SH3GL1: variants seen among roughly 807,000 people sequenced by gnomAD.
The protein encoded by SH3GL1 is endophilin-A2.
In SH3GL1, 21 loss-of-function variants were observed where a neutral mutation model predicts 48.8. The observed-to-expected ratio is 0.43, with a 90% CI of 0.30 to 0.62. SH3GL1 has a LOEUF of 0.62. Ranked by LOEUF, SH3GL1 falls within the 20% of genes least tolerant of loss-of-function variation. The pLI, the probability that SH3GL1 is intolerant of heterozygous loss-of-function variation, is 0.11. For synonymous variants in SH3GL1, 282 were observed against 217.5 expected (o/e 1.30, Z -2.61); for missense variants, 454 against 503.0 (o/e 0.90, Z 0.93).
intron 1 of SH3GL1, among the ~76,000 whole-genome samples, chr19:4,390,898 T>C (rs1973325999): frequency 6.6e-6 from 1 of 152,158 alleles, no homozygotes. Flanking sequence ...TCCGAAATCC[T>C]ACTGGGGACG....
intron 1 of SH3GL1, among the ~76,000 whole-genome samples, chr19:4,390,816 G>C (rs2144919794): frequency 6.6e-6 from 1 of 151,572 alleles, no homozygotes; most frequent in South Asian, 2.1e-4. Context: ...GCTTGGAAAA[G>C]AGAAACATGG....
intron 1 of SH3GL1, among the ~76,000 whole-genome samples, chr19:4,382,553 G>A (rs980326657): frequency 6.6e-5 from 10 of 152,114 alleles, no homozygotes; most frequent in Admixed American, 3.3e-4. Context: ...CACCGCGCCC[G>A]GCCCAGGTGC....
Position 4,366,510 on chromosome 19 carries a change from G to A in SH3GL1, c.178C>T (p.Pro60Ser). ...VLARTIEYLQ[P>S]NPASRAKLTM... ...TGGCTGGAGCACCCACCTGGGTTGG[G>A]CTGCAGGTACTCGATGGTCCTGGCC... is the stretch of plus-strand genomic sequence containing the variant. The change falls in exon 3 of 10, where the codon CCC becomes TCC. Residue 60 changes from proline to serine, a missense_variant. This residue lies in a region of SH3GL1 where 176 missense variants were observed against 256.2 expected (regional missense o/e 0.69). Transcript: ENST00000269886. 6.2e-7 allele frequency: 1 copy of A among 1,610,016 alleles called. No individual in the cohort carries two copies. The highest frequency in any genetic ancestry group is 8.5e-7 in the Non-Finnish European group (1 of 1,178,976).
In SH3GL1 at chr19:4,361,438, A is replaced by C; in HGVS notation, c.*162T>G. 1.7e-6 allele frequency: 1 copy of C among 602,238 alleles called. No individual in the cohort carries two copies. The highest frequency in any genetic ancestry group is 2.9e-6 in the Non-Finnish European group (1 of 341,264). 37.3% of individuals were successfully genotyped at this position (602,238 alleles called of 1,614,324 possible). On this transcript the variant is annotated 3_prime_UTR_variant, in exon 10 of 10. Coordinates refer to ENST00000269886, the MANE Select transcript of SH3GL1 (RefSeq NM_003025.4). ...CCCACCCAGATAAGCCCCCCCACCC[A>C]AGTGTGGGGTCCTGCTCAGGGAGTA...
rs979039656 is a variant in SH3GL1, at chr19:4,367,348, G to T, written c.46-354C>A. 3.3e-5 allele frequency among the ~76,000 whole-genome samples: 5 copies of T among 152,132 alleles called. No individual in the cohort carries two copies. Among genetic ancestry groups the T allele is most frequent in the Admixed American group, 3.3e-4 (5 of 15,276 alleles). On this transcript the variant is annotated intron_variant, in intron 1 of 9. Transcript: ENST00000269886. The surrounding 1 kb of genome is among the most constrained non-coding windows in gnomAD (Gnocchi z 4.2). ...CATGGCTCAGAAGACACTGCTTCCA[G>T]AAGCGCCTACACAAACATCCCCACA...
chr19:4,362,773 T>A, intron 7 of SH3GL1, 37 bp from the exon 8 acceptor site: 1 of 1,612,708 alleles, frequency 6.2e-7, no homozygotes, highest in South Asian at 1.1e-5. Flanking sequence ...CGAGCCCGTG[T>A]CACGGCCGAG....
intron 1 of SH3GL1, among the ~76,000 whole-genome samples, chr19:4,387,342 A>G (rs1009741488): frequency 2.0e-5 from 3 of 152,144 alleles, no homozygotes; most frequent in Non-Finnish European, 4.4e-5. Context: ...TCTGTTGCCC[A>G]GGCTGGAGGG....
chr19:4,377,694 G>A (rs1039869895), intron 1 of SH3GL1, among the ~76,000 whole-genome samples: 2 of 152,208 alleles, frequency 1.3e-5, no homozygotes, highest in South Asian at 2.1e-4. Context: ...GCCAGGTCAC[G>A]TGCACTGGCT....
rs899853817 is a variant in SH3GL1 at position 4,400,353 on chromosome 19, G to A, written c.16C>T (p.Leu6=). 6.3e-7 allele frequency: 1 copy of A among 1,592,182 alleles called. No homozygotes were observed. The highest frequency in any genetic ancestry group is 8.5e-7 in the Non-Finnish European group (1 of 1,173,276). MSVAG[L]KKQFYKASQL... ...CTCGCCTTGTAGAACTGCTTCTTCA[G>A]CCCCGCCACCGACATGCTGCCGCCC... Residue 6 remains leucine, a synonymous_variant, in exon 1 of 10, where the codon CTG becomes TTG. Transcript: ENST00000269886. This position sits in a 1 kb window ranked among gnomAD's most constrained non-coding sequence, Gnocchi z 4.1.
chr19:4,362,370 C>T lies in SH3GL1; in HGVS notation c.869G>A (p.Arg290Gln), dbSNP rs997768573. 2.9e-5 allele frequency: 47 copies of T among 1,611,838 alleles called. No homozygotes were observed. The highest frequency in any genetic ancestry group is 1.3e-4 in the African/African-American group (10 of 74,912). ...APKIAASSSF[R>Q]SSDKPIRTPS... is the part of the protein sequence containing the mutation. ...GGTCCGGATGGGCTTGTCGGAAGAT[C>T]GGAAAGACGATGAAGCTAAACACAA... The change falls in exon 9 of 10, where the codon CGA becomes CAA. Residue 290 changes from arginine (R) to glutamine (Q), a missense_variant. This residue lies in a region of SH3GL1 where 278 missense variants were observed against 246.8 expected (regional missense o/e 1.13). Transcript: ENST00000269886.
At chr19:4,397,774 G>T (rs1269570271) in intron 1 of SH3GL1, among the ~76,000 whole-genome samples, 3 of 152,158 alleles carry the variant, frequency 2.0e-5, no homozygotes, top group Non-Finnish European at 4.4e-5. Context: ...TTTCTCCAGG[G>T]TTTAACCATC....
At position 4,362,367 on chromosome 19, in the gene SH3GL1, G is replaced by C; in HGVS notation, c.872C>G (p.Ser291Cys). The C allele has an allele frequency of 6.2e-7, 1 of 1,612,208 alleles. No homozygotes were observed. Among genetic ancestry groups the C allele is most frequent in the Non-Finnish European group, 8.5e-7 (1 of 1,179,102 alleles). The change falls in exon 9 of 10, where the codon TCT (serine) becomes TGT (cysteine). Residue 291 changes from serine to cysteine, a missense_variant. Physicochemically the swap from Ser to Cys is moderately radical, Grantham distance 112. Coordinates refer to ENST00000269886, the MANE Select transcript of SH3GL1 (RefSeq NM_003025.4). ...AGGGGTCCGGATGGGCTTGTCGGAA[G>C]ATCGGAAAGACGATGAAGCTAAACA... is the stretch of plus-strand genomic sequence containing the variant. The part of the protein sequence containing the change: ...PKIAASSSFR[S>C]SDKPIRTPSR...
At chr19:4,368,469 A>C (rs1181593070) in intron 1 of SH3GL1, among the ~76,000 whole-genome samples, 1 of 152,146 alleles carries the variant, frequency 6.6e-6, no homozygotes, top group East Asian at 1.9e-4. Flanking sequence ...CCCCAACCCC[A>C]AGTTCTGCAA....
In SH3GL1 at chr19:4,367,352, C is replaced by T. The variant is rs1972805245; in HGVS notation, c.46-358G>A. Among the ~76,000 whole-genome samples the T allele has an allele frequency of 6.6e-6, 1 of 152,122 alleles. No individual in the cohort carries two copies. Among genetic ancestry groups the T allele is most frequent in the African/African-American group, 2.4e-5 (1 of 41,428 alleles). ...GCTCAGAAGACACTGCTTCCAGAAG[C>T]GCCTACACAAACATCCCCACAGATA... is the stretch of plus-strand genomic sequence containing the variant. On this transcript the variant is annotated intron_variant, in intron 1 of 9. Coordinates refer to ENST00000269886, the MANE Select transcript of SH3GL1 (RefSeq NM_003025.4). The surrounding 1 kb of genome is among the most constrained non-coding windows in gnomAD (Gnocchi z 4.2).
At chr19:4,370,554 G>T (rs1972878543) in intron 1 of SH3GL1, among the ~76,000 whole-genome samples, 3 of 152,202 alleles carry the variant, frequency 2.0e-5, no homozygotes, top group African/African-American at 7.2e-5. Context: ...CCTGGACGGG[G>T]TCAGAGTACC....
At chr19:4,363,659 C>T in intron 6 of SH3GL1, 61 bp downstream of exon 6, 2 of 1,599,596 alleles carry the variant, frequency 1.3e-6, no homozygotes, top group Admixed American at 1.7e-5. Flanking sequence ...TCCCTTGAGG[C>T]ACCACCCCGG....
intron 4 of SH3GL1, among the ~76,000 whole-genome samples, chr19:4,365,149 T>C (rs1433420002): frequency 6.6e-6 from 1 of 152,040 alleles, no homozygotes; most frequent in East Asian, 1.9e-4. Flanking sequence ...TCCGAATCGA[T>C]GCTGGACGTT....
Position 4,376,235 on chromosome 19 carries a change from TTG to T in SH3GL1, c.46-9243_46-9242del, listed in dbSNP as rs1973006403. Among the ~76,000 whole-genome samples the T allele has an allele frequency of 6.6e-6, 1 of 152,204 alleles. No individual in the cohort carries two copies. Among genetic ancestry groups the T allele is most frequent in the African/African-American group, 2.4e-5 (1 of 41,448 alleles). On this transcript the variant is annotated intron_variant, in intron 1 of 9. Transcript: ENST00000269886. This position sits in a 1 kb window ranked among gnomAD's most constrained non-coding sequence, Gnocchi z 4.3. ...CCATTTCTGAAGGACTTCCATTTCT[TTG>T]TGACTGTGGGCCACCATGGGCATGA...
chr19:4,361,411 C>T lies in SH3GL1; in HGVS notation c.*189G>A. On this transcript the variant is annotated 3_prime_UTR_variant, in exon 10 of 10. Coordinates refer to ENST00000269886, the MANE Select transcript of SH3GL1 (RefSeq NM_003025.4). Reference sequence around the variant, plus strand: ...CAGCGCTAGTGTAAACAGGCATCCCCACCCACCCAGATAAGCCCCCCCACC... The same window carrying T: ...CAGCGCTAGTGTAAACAGGCATCCCTACCCACCCAGATAAGCCCCCCCACC... The T allele has an allele frequency of 1.7e-6, 1 of 593,344 alleles. No homozygotes were observed. The highest frequency in any genetic ancestry group is 3.0e-6 in the Non-Finnish European group (1 of 333,696). The allele number at this position is 593,344 out of a possible 1,614,324, so 36.8% of individuals were successfully genotyped here. A position where few individuals can be genotyped will look rare whatever the true frequency, so the allele number is the denominator to read the frequency against.
Sources: allele counts gnomAD v4.1 joint callset (sites outside exome capture counted in the v4.1 genomes callset), GRCh38; gene constraint gnomAD v4.1.1; regional missense constraint gnomAD v4.1.1; non-coding constraint Gnocchi (gnomAD v3.1); transcripts MANE v1.5; gene names NCBI Gene and HGNC (gene_info 2026-07-23, HGNC 2026-07-21).